MMAB: variants seen among roughly 807,000 people sequenced by gnomAD.
The protein encoded by MMAB is corrinoid adenosyltransferase MMAB.
MMAB carries 17 observed loss-of-function variants against 30.6 expected under a neutral mutation model. The ratio of observed to expected loss-of-function variants is 0.56; its 90% CI spans 0.38 to 0.83. The LOEUF is 0.83. Among genes scored for constraint, MMAB ranks in the 40% least tolerant of loss-of-function variants. MMAB has a pLI of 0.00. For missense variants in MMAB, 311 were observed against 331.6 expected (o/e 0.94, Z 0.48); for synonymous variants, 134 against 138.6 (o/e 0.97, Z 0.23).
Position 109,561,160 on chromosome 12 carries a change from G to A in MMAB, c.520-56C>T. The A allele has an allele frequency of 6.3e-7, 1 of 1,599,806 alleles. No homozygotes were observed. The highest frequency in any genetic ancestry group is 8.5e-7 in the Non-Finnish European group (1 of 1,177,330). ...GGGTGGGAAAGGTGTGCCCACTGCG[G>A]ACAGGAGCTCCTCTGAAGTCCAGCC... On this transcript the variant is annotated intron_variant, in intron 6 of 8. Transcript: ENST00000545712. The surrounding 1 kb of genome is among the most constrained non-coding windows in gnomAD (Gnocchi z 5.3).
intron 3 of MMAB, among the ~76,000 whole-genome samples, chr12:109,567,565 T>C (rs1415695998): frequency 6.6e-6 from 1 of 151,546 alleles, no homozygotes. Flanking sequence ...ACCCCGCTGA[T>C]GTCAGGCATG....
At position 109,570,973 on chromosome 12, in the gene MMAB, T is replaced by A. The variant is rs114195318; in HGVS notation, c.196+676A>T. Among the ~76,000 whole-genome samples, 89 of 151,838 alleles carry A rather than the reference T, an allele frequency of 5.9e-4. 1 individual carries two copies. The highest frequency in any genetic ancestry group is 2.1e-3 in the African/African-American group (87 of 41,426). ...CATTTTAAAAACTATTAAAGTAATA[T>A]ATACTCATTATAAAAAATAATAAAA... On this transcript the variant is annotated intron_variant, in intron 2 of 8. Transcript: ENST00000545712.
rs1555273916 is a variant in MMAB at position 109,556,648 on chromosome 12, T to TCTCACA, written c.*379_*380insTGTGAG. The stretch of plus-strand genomic sequence containing the variant: ...GAGCTGGCAGTGGGAGGGCTCTCTC[T>TCTCACA]CACACACACACACACACACACACAC... On this transcript the variant is annotated 3_prime_UTR_variant, in exon 9 of 9. Coordinates refer to ENST00000545712, the MANE Select transcript of MMAB (RefSeq NM_052845.4). 1.1e-4 allele frequency: 36 copies of TCTCACA among 328,306 alleles called. No individual in the cohort carries two copies. The highest frequency in any genetic ancestry group is 9.6e-4 in the Middle Eastern group (1 of 1,040). 20.3% of individuals were successfully genotyped at this position (328,306 alleles called of 1,614,324 possible). A position where few individuals can be genotyped will look rare whatever the true frequency, so the allele number is the denominator to read the frequency against.
rs1883906348 is a variant in MMAB at position 109,554,889 on chromosome 12, G to A, written c.*2139C>T. ...AGGAGAGAAACACCTGCTGAGTGGTGGCATCTGCCCTGCACCCAGGTGGTT... is the reference window on the plus strand; with the variant it reads ...AGGAGAGAAACACCTGCTGAGTGGTAGCATCTGCCCTGCACCCAGGTGGTT... On this transcript the variant is annotated 3_prime_UTR_variant, in exon 9 of 9. Transcript: ENST00000545712. 2.2e-6 allele frequency: 1 copy of A among 453,794 alleles called. No individual in the cohort carries two copies. Among genetic ancestry groups the A allele is most frequent in the African/African-American group, 2.0e-5 (1 of 50,004 alleles). 28.1% of individuals were successfully genotyped at this position (453,794 alleles called of 1,614,324 possible). A position where few individuals can be genotyped will look rare whatever the true frequency, so the allele number is the denominator to read the frequency against.
intron 7 of MMAB, 50 bp downstream of exon 7, chr12:109,560,990 T>G: frequency 5.9e-6 from 3 of 506,464 alleles, no homozygotes; most frequent in African/African-American, 2.5e-5. Flanking sequence ...CCCTCCCCCT[T>G]GTTCCTCTCC....
At position 109,561,936 on chromosome 12, in the gene MMAB, C is replaced by T; in HGVS notation, c.349-84G>A. On this transcript the variant is annotated intron_variant, in intron 4 of 8. Transcript: ENST00000545712. The surrounding 1 kb of genome is among the most constrained non-coding windows in gnomAD (Gnocchi z 5.3). ...ATGTGCAGAGGCGCCACCTAATACG[C>T]CGGCAAAGCCTGTGCCAGCTAGCTC... 8.2e-7 allele frequency: 1 copy of T among 1,225,174 alleles called. No homozygotes were observed. Among genetic ancestry groups the T allele is most frequent in the Non-Finnish European group, 1.2e-6 (1 of 853,440 alleles). 75.9% of individuals were successfully genotyped at this position (1,225,174 alleles called of 1,614,324 possible). A position where few individuals can be genotyped will look rare whatever the true frequency, so the allele number is the denominator to read the frequency against.
intron 3 of MMAB, among the ~76,000 whole-genome samples, chr12:109,566,647 G>A (rs1024651512): frequency 6.6e-6 from 1 of 152,196 alleles, no homozygotes; most frequent in Admixed American, 6.5e-5. Context: ...CCTGCACTCT[G>A]CAGCTCAGGA....
chr12:109,558,586 C>T lies in MMAB; in HGVS notation c.644+510G>A, dbSNP rs763910091. On this transcript the variant is annotated intron_variant, in intron 8 of 8. Transcript: ENST00000545712. This position sits in a 1 kb window ranked among gnomAD's most constrained non-coding sequence, Gnocchi z 4.3. ...TGTGGCTCCAGCCTCATGGGCCGGCCGCGAGGCAGAGGAAGCCCTCCCTGG... is the reference window on the plus strand; with the variant it reads ...TGTGGCTCCAGCCTCATGGGCCGGCTGCGAGGCAGAGGAAGCCCTCCCTGG... Among the ~76,000 whole-genome samples, 1 of 152,248 alleles carries T rather than the reference C, an allele frequency of 6.6e-6. No homozygotes were observed. Among genetic ancestry groups the T allele is most frequent in the Non-Finnish European group, 1.5e-5 (1 of 67,996 alleles).
intron 1 of MMAB, among the ~76,000 whole-genome samples, 193 bp from the exon 2 acceptor site, chr12:109,571,903 A>G (rs1884647032): frequency 1.3e-5 from 2 of 152,358 alleles, no homozygotes; most frequent in South Asian, 4.1e-4. Flanking sequence ...GGGCAAGACC[A>G]GAGCTGGATG....
At chr12:109,562,420 T>C (rs924227453) in intron 4 of MMAB, among the ~76,000 whole-genome samples, 4 of 152,214 alleles carry the variant, frequency 2.6e-5, no homozygotes, top group Non-Finnish European at 4.4e-5. Context: ...CTCTGAACTT[T>C]CAGCACAACA....
In MMAB at chr12:109,558,999, G is replaced by T; in HGVS notation, c.644+97C>A. 1.1e-6 allele frequency: 1 copy of T among 888,544 alleles called. No individual in the cohort carries two copies. Among genetic ancestry groups the T allele is most frequent in the Non-Finnish European group, 1.9e-6 (1 of 531,788 alleles). The allele number at this position is 888,544 out of a possible 1,614,324, so 55.0% of individuals were successfully genotyped here. A position where few individuals can be genotyped will look rare whatever the true frequency, so the allele number is the denominator to read the frequency against. ...GGAATGAAGGAGGGGGTGCGGGAAT[G>T]CTGCCCCACACTGCTTCCCGGACCG... On this transcript the variant is annotated intron_variant, in intron 8 of 8. Coordinates refer to ENST00000545712, the MANE Select transcript of MMAB (RefSeq NM_052845.4). The surrounding 1 kb of genome is among the most constrained non-coding windows in gnomAD (Gnocchi z 4.3).
At chr12:109,571,560 T>A in intron 2 of MMAB, 89 bp downstream of exon 2, 1 of 1,316,446 alleles carries the variant, frequency 7.6e-7, no homozygotes. Context: ...TATATTATAC[T>A]TTAAAGTGGC....
chr12:109,568,350 C>T (rs1884511929), intron 3 of MMAB: 1 of 251,726 alleles, frequency 4.0e-6, no homozygotes, highest in South Asian at 5.2e-5. Flanking sequence ...TGACCTGGCC[C>T]ATCCTGATCT....
At position 109,554,567 on chromosome 12, in the gene MMAB, G is replaced by A. The variant is rs151130765; in HGVS notation, c.*2461C>T. The A allele has an allele frequency of 1.1e-3, 491 of 454,108 alleles. 4 individuals are homozygous for A. The highest frequency in any genetic ancestry group is 9.1e-3 in the African/African-American group (457 of 50,110). 28.1% of individuals were successfully genotyped at this position (454,108 alleles called of 1,614,324 possible). A position where few individuals can be genotyped will look rare whatever the true frequency, so the allele number is the denominator to read the frequency against. On this transcript the variant is annotated 3_prime_UTR_variant, in exon 9 of 9. Transcript: ENST00000545712. ...AGGCTGCTGTTTGTTTCAAAACCCCGTGTTCCCGTGCAATGGGACTGATTG... is the reference window on the plus strand; with the variant it reads ...AGGCTGCTGTTTGTTTCAAAACCCCATGTTCCCGTGCAATGGGACTGATTG...
At position 109,573,495 on chromosome 12, in the gene MMAB, G is replaced by A. The variant is rs1253813791; in HGVS notation, c.-15C>T. The A allele has an allele frequency of 6.3e-7, 1 of 1,591,464 alleles. No individual in the cohort carries two copies. The highest frequency in any genetic ancestry group is 8.5e-7 in the Non-Finnish European group (1 of 1,174,104). On this transcript the variant is annotated 5_prime_UTR_variant, in exon 1 of 9. Transcript: ENST00000545712. ...CACACAGCCATGAGCCAGGCTGCTT[G>A]ACGGGACCTGACCCCGCCAGGTTCC...
chr12:109,569,299 C>T lies in MMAB; in HGVS notation c.197-436G>A, dbSNP rs1319602330. Among the ~76,000 whole-genome samples, 1 of 152,108 alleles carries T rather than the reference C, an allele frequency of 6.6e-6. No individual in the cohort carries two copies. Among genetic ancestry groups the T allele is most frequent in the Admixed American group, 6.6e-5 (1 of 15,256 alleles). On this transcript the variant is annotated intron_variant, in intron 2 of 8. Transcript: ENST00000545712. The surrounding 1 kb of genome is among the most constrained non-coding windows in gnomAD (Gnocchi z 4.1). ...CATATACACAGAAAAGTGCTCAAAT[C>T]GTAAGTGTGCAAGTTGGTGAATTAC...
chr12:109,559,683 C>CT (rs1566131423), intron 7 of MMAB, among the ~76,000 whole-genome samples: 1 of 152,256 alleles, frequency 6.6e-6, no homozygotes, highest in African/African-American at 2.4e-5. Context: ...AGACACTGGA[C>CT]GGCCATCTGC....
At position 109,554,729 on chromosome 12, in the gene MMAB, G is replaced by C. The variant is rs1201062811; in HGVS notation, c.*2299C>G. On this transcript the variant is annotated 3_prime_UTR_variant, in exon 9 of 9. Transcript: ENST00000545712. ...AGGACATTTGCTCAGTGTACAGAGG[G>C]GTACACATCTTTTCTTTTGCCTCGG... 1.8e-5 allele frequency: 8 copies of C among 454,086 alleles called. No individual in the cohort carries two copies. The highest frequency in any genetic ancestry group is 1.2e-4 in the South Asian group (8 of 64,472). The allele number at this position is 454,086 out of a possible 1,614,324, so 28.1% of individuals were successfully genotyped here. A position where few individuals can be genotyped will look rare whatever the true frequency, so the allele number is the denominator to read the frequency against.
intron 3 of MMAB, among the ~76,000 whole-genome samples, chr12:109,565,535 G>A (rs1039915791): frequency 2.6e-5 from 4 of 152,184 alleles, no homozygotes; most frequent in South Asian, 2.1e-4. Context: ...GCTCTGACCC[G>A]CAGCCCTGTG....
Sources: gnomAD v4.1 joint callset for allele counts (sites outside exome capture counted in the v4.1 genomes callset) on GRCh38, gnomAD v4.1.1 for gene constraint, Gnocchi (gnomAD v3.1) non-coding constraint, MANE v1.5 for transcripts, NCBI Gene and HGNC (gene_info 2026-07-23, HGNC 2026-07-21) for gene names.